ZFYVE28: variants seen among roughly 807,000 people sequenced by gnomAD.
The protein encoded by ZFYVE28 is zinc finger FYVE-type containing 28.
Under a neutral mutation model 82.1 loss-of-function variants are expected in ZFYVE28, and 40 were observed. The ratio of observed to expected loss-of-function variants is 0.49; its 90% CI spans 0.38 to 0.63. ZFYVE28 has a LOEUF of 0.63. Among genes scored for constraint, ZFYVE28 ranks in the 30% least tolerant of loss-of-function variants. The probability of loss-of-function intolerance (pLI) is 0.00; values close to 1 mark genes in which losing one functional copy is unlikely to be tolerated. For missense variants in ZFYVE28, 1,321 were observed against 1,242.1 expected, an observed-to-expected ratio of 1.06 and a Z score of -0.96; for synonymous variants, 612 against 546.1, an observed-to-expected ratio of 1.12 and a Z score of -1.68.
chr4:2,298,156 C>T (rs528801383), intron 8 of ZFYVE28, among the ~76,000 whole-genome samples: 32 of 130,026 alleles, frequency 2.5e-4, no homozygotes, highest in African/African-American at 5.4e-4. Context: ...TGGCAGAGGA[C>T]GAGCGGTGAC....
At chr4:2,291,199 G>A (rs1481386191) in intron 8 of ZFYVE28, among the ~76,000 whole-genome samples, 1 of 152,198 alleles carries the variant, frequency 6.6e-6, no homozygotes, top group East Asian at 1.9e-4. Context: ...ACGGCATCCT[G>A]GTCTCCGGCT....
At position 2,409,511 on chromosome 4, in the gene ZFYVE28, G is replaced by A. The variant is rs1323613596; in HGVS notation, c.39+8774C>T. Among the ~76,000 whole-genome samples, 4 of 152,018 alleles carry A rather than the reference G, an allele frequency of 2.6e-5. No individual in the cohort carries two copies. The highest frequency in any genetic ancestry group is 6.6e-5 in the Admixed American group (1 of 15,260). On this transcript the variant is annotated intron_variant, in intron 1 of 12. Coordinates refer to ENST00000290974, the MANE Select transcript of ZFYVE28 (RefSeq NM_020972.3). The surrounding 1 kb of genome is among the most constrained non-coding windows in gnomAD (Gnocchi z 4.4). ...AAGTGCACCCAGCCTTTCAGGCTCCGCGACCCACACCCCCTTGCCACTCAC... is the reference window on the plus strand; with the variant it reads ...AAGTGCACCCAGCCTTTCAGGCTCCACGACCCACACCCCCTTGCCACTCAC...
At chr4:2,338,610 A>G (rs1272070797) in intron 4 of ZFYVE28, among the ~76,000 whole-genome samples, 5 of 152,188 alleles carry the variant, frequency 3.3e-5, no homozygotes, top group Non-Finnish European at 7.3e-5. Flanking sequence ...AAATAAATAA[A>G]TAAATAAATC....
intron 1 of ZFYVE28, among the ~76,000 whole-genome samples, chr4:2,390,150 G>A (rs1729679770): frequency 6.6e-6 from 1 of 152,218 alleles, no homozygotes; most frequent in Admixed American, 6.5e-5. Flanking sequence ...AGAAGGAGGT[G>A]GCCATGTGAA....
intron 1 of ZFYVE28, among the ~76,000 whole-genome samples, chr4:2,378,081 T>C (rs1728348891): frequency 1.3e-5 from 2 of 152,254 alleles, no homozygotes. Flanking sequence ...GGCTCACGCC[T>C]GTAATCCCAG....
intron 1 of ZFYVE28, among the ~76,000 whole-genome samples, chr4:2,396,913 T>C (rs1337172606): frequency 1.3e-5 from 2 of 151,950 alleles, no homozygotes; most frequent in Non-Finnish European, 2.9e-5. Context: ...GAGCAGCGAG[T>C]CATGACCCGA....
intron 8 of ZFYVE28, among the ~76,000 whole-genome samples, chr4:2,293,147 T>G (rs1713993681): frequency 6.6e-6 from 1 of 152,090 alleles, no homozygotes; most frequent in Non-Finnish European, 1.5e-5. Flanking sequence ...AGAGAACTCC[T>G]TTTTTATTTG....
intron 7 of ZFYVE28, among the ~76,000 whole-genome samples, chr4:2,313,935 G>T (rs1717854781): frequency 6.6e-6 from 1 of 151,174 alleles, no homozygotes; most frequent in Non-Finnish European, 1.5e-5. Flanking sequence ...TATTAGTTTT[G>T]TTATTGAGAT....
intron 6 of ZFYVE28, chr4:2,330,545 G>A (rs772774026): frequency 5.1e-6 from 6 of 1,169,524 alleles, no homozygotes; most frequent in Non-Finnish European, 6.4e-6. Context: ...GGACAGCATG[G>A]AGGAGGGGAC....
intron 1 of ZFYVE28, among the ~76,000 whole-genome samples, chr4:2,376,723 T>A (rs917701314): frequency 1.4e-4 from 22 of 152,106 alleles, no homozygotes; most frequent in African/African-American, 5.3e-4. Flanking sequence ...CATGTGGGGA[T>A]TATGGGATTA....
chr4:2,309,996 G>T (rs141525019), intron 7 of ZFYVE28, among the ~76,000 whole-genome samples: 105 of 152,048 alleles, frequency 6.9e-4, no homozygotes, highest in Non-Finnish European at 1.2e-3. Flanking sequence ...ACATCAATTT[G>T]ATTTCCATAT....
intron 8 of ZFYVE28, among the ~76,000 whole-genome samples, chr4:2,276,872 C>A (rs968010597): frequency 6.6e-6 from 1 of 151,882 alleles, no homozygotes; most frequent in Non-Finnish European, 1.5e-5. Flanking sequence ...GAGGACGTTG[C>A]GGAGATGATG....
chr4:2,354,705 C>T lies in ZFYVE28; in HGVS notation c.40-632G>A, dbSNP rs141901989. The stretch of plus-strand genomic sequence containing the variant: ...AACTCCTGACCTCAGGTGATCCACG[C>T]GCCTCAGCCTCCCAAAGTGCTGGGA... On this transcript the variant is annotated intron_variant, in intron 1 of 12. Transcript: ENST00000290974. 1.7e-3 allele frequency among the ~76,000 whole-genome samples: 261 copies of T among 152,110 alleles called. 4 individuals carry two copies. The highest frequency in any genetic ancestry group is 0.015 in the Admixed American group (231 of 15,282).
At chr4:2,353,128 T>C (rs1004841267) in intron 2 of ZFYVE28, among the ~76,000 whole-genome samples, 1 of 152,198 alleles carries the variant, frequency 6.6e-6, no homozygotes, top group Admixed American at 6.5e-5. Context: ...CAGAGCCTGA[T>C]CCGGCCAGAA....
intron 6 of ZFYVE28, among the ~76,000 whole-genome samples, chr4:2,333,617 A>G (rs1279342531): frequency 6.6e-6 from 1 of 152,088 alleles, no homozygotes; most frequent in Non-Finnish European, 1.5e-5. Context: ...TCACCGGCTC[A>G]TTGACACGGG....
Position 2,304,936 on chromosome 4 carries a change from T to C in ZFYVE28, c.1404A>G (p.Thr468=). The C allele has an allele frequency of 6.2e-7, 1 of 1,612,678 alleles. No homozygotes were observed. The change falls in exon 8 of 13, where the codon ACA becomes ACG. Residue 468 remains threonine, a synonymous_variant. Coordinates refer to ENST00000290974, the MANE Select transcript of ZFYVE28 (RefSeq NM_020972.3). ...TGGTGCCCGCGAGGCTGGCCCCATCTGTGCCCTCGGCCTCGAGATTGTTGT... is the reference window on the plus strand; with the variant it reads ...TGGTGCCCGCGAGGCTGGCCCCATCCGTGCCCTCGGCCTCGAGATTGTTGT... ...LSNNNLEAEG[T]DGASLAGTSS...
chr4:2,295,643 G>A, intron 8 of ZFYVE28: 1 of 153,018 alleles, frequency 6.5e-6, no homozygotes, highest in Non-Finnish European at 1.5e-5. Flanking sequence ...TGTCCCCTCT[G>A]CTCCTTCCCA....
chr4:2,393,199 A>T (rs1730021089), intron 1 of ZFYVE28, among the ~76,000 whole-genome samples: 1 of 152,196 alleles, frequency 6.6e-6, no homozygotes, highest in Non-Finnish European at 1.5e-5. Flanking sequence ...TGGCACCTGA[A>T]ATCTCACCGC....
chr4:2,292,891 T>C lies in ZFYVE28; in HGVS notation c.2051+11398A>G, dbSNP rs147958172. 7.8e-4 allele frequency among the ~76,000 whole-genome samples: 119 copies of C among 152,332 alleles called. 1 individual carries two copies. The highest frequency in any genetic ancestry group is 3.4e-3 in the Middle Eastern group (1 of 294). On this transcript the variant is annotated intron_variant, in intron 8 of 12. Coordinates refer to ENST00000290974, the MANE Select transcript of ZFYVE28 (RefSeq NM_020972.3). ...CTCTCAGACAGATGCAAAATCCTAC[T>C]GAAGTTCAGCAAATCAAAGCCAACA...
Sources: gnomAD v4.1 joint callset for allele counts (sites outside exome capture counted in the v4.1 genomes callset) on GRCh38, gnomAD v4.1.1 for gene constraint, Gnocchi (gnomAD v3.1) non-coding constraint, MANE v1.5 for transcripts, NCBI Gene and HGNC (gene_info 2026-07-23, HGNC 2026-07-21) for gene names.